Variants in TIAM2 observed in about 807,000 individuals in gnomAD.
TIAM2 encodes TIAM Rac1 associated GEF 2, also known as rho guanine nucleotide exchange factor TIAM2.
In TIAM2, 80 loss-of-function variants were observed where a neutral mutation model predicts 152.9. That is an observed-to-expected ratio of 0.52 (90% CI 0.44 to 0.63). The LOEUF is 0.63. TIAM2 is among the 30% of genes least tolerant of loss of function. The pLI is 0.00. For missense variants in TIAM2, 1,965 were observed against 2,120.1 expected (o/e 0.93, Z 1.44); for synonymous variants, 804 against 838.0 (o/e 0.96, Z 0.70).
chr6:155,116,668 A>T (rs1249788680), intron 2 of TIAM2, among the ~76,000 whole-genome samples: 1 of 152,188 alleles, frequency 6.6e-6, no homozygotes, highest in Non-Finnish European at 1.5e-5. Context: ...ACATCCATGC[A>T]GGTTTCCATA....
rs1167150692 is a variant in TIAM2, at chr6:154,995,480, C to A, written c.-221C>A. ...GCGCGACCGGCCCCACCGAGCCCGG[C>A]GCGCGACCCGAGGTAAGGGGCGCCC... On this transcript the variant is annotated 5_prime_UTR_variant, in exon 1 of 27. Coordinates refer to ENST00000682666, the MANE Select transcript of TIAM2 (RefSeq NM_012454.4). This position sits in a 1 kb window ranked among gnomAD's most constrained non-coding sequence, Gnocchi z 5.2. 1 of 150,680 alleles carries A rather than the reference C, an allele frequency of 6.6e-6. No individual in the cohort carries two copies. Among genetic ancestry groups the A allele is most frequent in the Non-Finnish European group, 1.5e-5 (1 of 67,596 alleles). 9.3% of individuals were successfully genotyped at this position (150,680 alleles called of 1,614,324 possible).
intron 2 of TIAM2, among the ~76,000 whole-genome samples, chr6:155,098,835 G>A (rs1056613241): frequency 6.6e-6 from 1 of 152,122 alleles, no homozygotes; most frequent in African/African-American, 2.4e-5. Context: ...GTAATTAATT[G>A]GTCATTTGAT....
At chr6:155,072,508 G>A (rs1009937831) in intron 1 of TIAM2, among the ~76,000 whole-genome samples, 2 of 152,150 alleles carry the variant, frequency 1.3e-5, no homozygotes, top group Non-Finnish European at 2.9e-5. Flanking sequence ...TTTCCAGAGC[G>A]GCTGGACAGA....
rs1029863647 is a variant in TIAM2, at chr6:155,156,332, A to G, written c.2028+7998A>G. Among the ~76,000 whole-genome samples the G allele has an allele frequency of 6.6e-6, 1 of 152,238 alleles. No individual in the cohort carries two copies. Among genetic ancestry groups the G allele is most frequent in the African/African-American group, 2.4e-5 (1 of 41,544 alleles). On this transcript the variant is annotated intron_variant, in intron 7 of 26. Transcript: ENST00000682666. This position sits in a 1 kb window ranked among gnomAD's most constrained non-coding sequence, Gnocchi z 4.4. ...TCGCCCTTCGTCTGATGCATCTTCC[A>G]TACAACAGCCAGACTGGGTTGCATC...
intron 14 of TIAM2, among the ~76,000 whole-genome samples, chr6:155,205,031 A>G (rs921578984): frequency 1.1e-4 from 16 of 152,048 alleles, no homozygotes; most frequent in Non-Finnish European, 2.2e-4. Context: ...TTATCATAGC[A>G]TTAATATTCA....
intron 19 of TIAM2, 116 bp from the exon 20 acceptor site, chr6:155,247,884 A>C: frequency 7.5e-7 from 1 of 1,328,972 alleles, no homozygotes; most frequent in South Asian, 1.4e-5. Context: ...GTTTTCATTA[A>C]AGAATGGCAT....
chr6:155,212,369 C>T (rs549115455), intron 15 of TIAM2, among the ~76,000 whole-genome samples: 12 of 152,286 alleles, frequency 7.9e-5, no homozygotes, highest in Admixed American at 2.6e-4. Flanking sequence ...CATTCCATTC[C>T]TTTCCTGCAT....
intron 1 of TIAM2, among the ~76,000 whole-genome samples, chr6:155,056,198 G>A (rs1429912558): frequency 3.4e-5 from 4 of 116,390 alleles, no homozygotes; most frequent in East Asian, 2.5e-4. Flanking sequence ...TTGAGACAGA[G>A]TCTCGCTCTG....
At chr6:155,179,197 G>T in intron 11 of TIAM2, 54 bp downstream of exon 11, 1 of 1,533,590 alleles carries the variant, frequency 6.5e-7, no homozygotes, top group South Asian at 1.2e-5. Flanking sequence ...ATGGCCCTTT[G>T]ATTTTGAAAA....
intron 24 of TIAM2, chr6:155,253,286 C>A: frequency 2.0e-6 from 1 of 506,150 alleles, no homozygotes; most frequent in Non-Finnish European, 3.5e-6. Flanking sequence ...CCTTATTTTC[C>A]CTATCAATAG....
intron 26 of TIAM2, 39 bp from the exon 27 acceptor site, chr6:155,256,445 G>A: frequency 6.2e-7 from 1 of 1,613,494 alleles, no homozygotes; most frequent in African/African-American, 1.3e-5. Context: ...TGTGTAACCT[G>A]TTTCTGTATC....
At chr6:155,062,111 C>T (rs1417372093) in intron 1 of TIAM2, among the ~76,000 whole-genome samples, 1 of 150,530 alleles carries the variant, frequency 6.6e-6, no homozygotes, top group Non-Finnish European at 1.5e-5. Context: ...CGCGCACCAC[C>T]CCCCACTTAG....
At chr6:155,042,696 TTATA>T (rs1405630569) in intron 1 of TIAM2, among the ~76,000 whole-genome samples, 1 of 152,204 alleles carries the variant, frequency 6.6e-6, no homozygotes, top group African/African-American at 2.4e-5. Context: ...AACGTACTGT[TTATA>T]CATATATATA....
At chr6:155,168,153 T>A (rs562278234) in intron 9 of TIAM2, among the ~76,000 whole-genome samples, 2 of 152,174 alleles carry the variant, frequency 1.3e-5, no homozygotes, top group African/African-American at 4.8e-5. Flanking sequence ...CATTACAAAA[T>A]TTAGAAGGTG....
intron 14 of TIAM2, among the ~76,000 whole-genome samples, chr6:155,201,196 A>G (rs1781465344): frequency 6.6e-6 from 1 of 152,196 alleles, no homozygotes; most frequent in African/African-American, 2.4e-5. Context: ...TTTTAATCCA[A>G]GAGAACCGTA....
rs377613853 is a variant in TIAM2 at position 155,049,618 on chromosome 6, A to T, written c.-208-40671A>T. The stretch of plus-strand genomic sequence containing the variant: ...CCTTATTCTGAGGGTACATTTTACC[A>T]GTCTGTTCTAACCCCATGTTTCATA... On this transcript the variant is annotated intron_variant, in intron 1 of 26. Coordinates refer to ENST00000682666, the MANE Select transcript of TIAM2 (RefSeq NM_012454.4). Among the ~76,000 whole-genome samples, 8 of 152,132 alleles carry T rather than the reference A, an allele frequency of 5.3e-5. No homozygotes were observed. The East Asian group carries it at 1.4e-3, about 26-fold the overall frequency.
At position 155,148,127 on chromosome 6, in the gene TIAM2, T is replaced by A. The variant is rs757392032; in HGVS notation, c.1821T>A (p.Asp607Glu). 2 of 1,613,894 alleles carry A rather than the reference T, an allele frequency of 1.2e-6. No homozygotes were observed. The highest frequency in any genetic ancestry group is 1.7e-6 in the Non-Finnish European group (2 of 1,180,032). The change falls in exon 7 of 27, where the codon GAT becomes GAA. Residue 607 changes from aspartate (D) to glutamate (E), a missense_variant. By Grantham distance (45) the Asp-to-Glu change is conservative. This residue lies in a region of TIAM2 where 1,025 missense variants were observed against 1,119.4 expected (regional missense o/e 0.92). Transcript: ENST00000682666. ...GTGTGTAGGCCACCAGCCAGACAGA[T>A]CTAGAAAACTGGGTCACTGCTGTAC... ...VYLFQATSQT[D>E]LENWVTAVHS...
intron 14 of TIAM2, among the ~76,000 whole-genome samples, chr6:155,199,069 A>AT (rs5881124): frequency 0.52 from 77,735 of 148,626 alleles, 22,815 homozygotes; most frequent in Middle Eastern, 0.69. Context: ...TAACTTCTTT[A>AT]TTTTTTTTTT....
rs145395565 is a variant in TIAM2, at chr6:155,194,083, A to G, written c.3064+10583A>G. Among the ~76,000 whole-genome samples the G allele has an allele frequency of 5.1e-4, 77 of 152,342 alleles. No homozygotes were observed. In the East Asian group the frequency reaches 0.014, roughly 28 times the overall value. On this transcript the variant is annotated intron_variant, in intron 14 of 26. Transcript: ENST00000682666. The stretch of plus-strand genomic sequence containing the variant: ...CAGAGGAGCAGAAAACTCATGTTCC[A>G]GGTTGATCAGGGCCACTCTCCAGGG...
Sources: gnomAD v4.1 joint callset for allele counts (sites outside exome capture counted in the v4.1 genomes callset) on GRCh38, gnomAD v4.1.1 for gene constraint, gnomAD v4.1.1 regional missense constraint, Gnocchi (gnomAD v3.1) non-coding constraint, MANE v1.5 for transcripts, NCBI Gene and HGNC (gene_info 2026-07-23, HGNC 2026-07-21) for gene names.